CCT5: variants seen among roughly 807,000 people sequenced by gnomAD.
The protein encoded by CCT5 is chaperonin containing TCP1 subunit 5.
A neutral mutation model predicts 55.0 loss-of-function variants in CCT5; 6 were observed. The observed-to-expected ratio is 0.11, with a 90% CI of 0.06 to 0.22. The LOEUF (loss-of-function observed/expected upper bound fraction) is 0.22, where lower values mean the gene tolerates loss of function less well. Ranked by LOEUF, CCT5 falls within the 10% of genes least tolerant of loss-of-function variation. The pLI is 1.00. For synonymous variants in CCT5, 231 were observed against 243.7 expected, an observed-to-expected ratio of 0.95 and a Z score of 0.49; for missense variants, 560 against 694.6, an observed-to-expected ratio of 0.81 and a Z score of 2.18.
At chr5:10,251,188 T>G (rs1406999731) in intron 1 of CCT5, among the ~76,000 whole-genome samples, 1 of 152,172 alleles carries the variant, frequency 6.6e-6, no homozygotes, top group East Asian at 1.9e-4. Context: ...ACTGACTTCT[T>G]TAACTTACAA....
chr5:10,250,865 C>T, intron 1 of CCT5: 9 of 1,047,248 alleles, frequency 8.6e-6, no homozygotes, highest in Non-Finnish European at 1.0e-5. Flanking sequence ...CCCGCAACGG[C>T]CCTTCCGTTT....
In CCT5 at chr5:10,260,865, A is replaced by G. The variant is rs1030710744; in HGVS notation, c.947A>G (p.Gln316Arg). The change falls in exon 7 of 11, where the codon CAG (glutamine) becomes CGG (arginine). Residue 316 changes from glutamine (Q) to arginine (R), a missense_variant. Around this residue, in one of 4 missense-constraint regions of CCT5, gnomAD observed 256 missense variants for 372.4 expected, o/e 0.69. Coordinates refer to ENST00000280326, the MANE Select transcript of CCT5 (RefSeq NM_012073.5). ...FDDEANHLLL[Q>R]NNLPAVRWVG... is the part of the protein sequence containing the mutation. ...GATGAAGCAAATCACTTACTTCTTC[A>G]GAACAACTTGCCTGCGGTTCGCTGG... The G allele has an allele frequency of 6.2e-7, 1 of 1,614,206 alleles. No homozygotes were observed. The highest frequency in any genetic ancestry group is 8.5e-7 in the Non-Finnish European group (1 of 1,179,990).
intron 7 of CCT5, 126 bp downstream of exon 7, chr5:10,261,037 C>A: frequency 1.0e-6 from 1 of 972,378 alleles, no homozygotes; most frequent in Non-Finnish European, 1.7e-6. Context: ...GGAGGGTGAG[C>A]TGGGAGAGAG....
In CCT5 at chr5:10,265,239, A is replaced by C. The variant is rs1409451060; in HGVS notation, c.*456A>C. 7 of 186,196 alleles carry C rather than the reference A, an allele frequency of 3.8e-5. No homozygotes were observed. Among genetic ancestry groups the C allele is most frequent in the Admixed American group, 3.3e-4 (6 of 18,256 alleles). The allele number at this position is 186,196 out of a possible 1,614,324, so 11.5% of individuals were successfully genotyped here. A position where few individuals can be genotyped will look rare whatever the true frequency, so the allele number is the denominator to read the frequency against. On this transcript the variant is annotated 3_prime_UTR_variant, in exon 11 of 11. Transcript: ENST00000280326. Reference sequence around the variant, plus strand: ...GCCATTTGATTGTAGAGGGTCCACCACAGAATTATGGGATGCCTTAAGTGC... The same window carrying C: ...GCCATTTGATTGTAGAGGGTCCACCCCAGAATTATGGGATGCCTTAAGTGC...
chr5:10,259,507 T>C (rs1745850558), intron 6 of CCT5, among the ~76,000 whole-genome samples: 1 of 152,176 alleles, frequency 6.6e-6, no homozygotes, highest in Non-Finnish European at 1.5e-5. Context: ...GCTCGTGCTC[T>C]TGAGACACAG....
downstream of CCT5, chr5:10,266,393 CTT>C (rs1459293743): frequency 1.3e-5 from 2 of 152,172 alleles, no homozygotes; most frequent in Admixed American, 6.5e-5. Context: ...CACGTGATGT[CTT>C]TTATTTTTCA....
chr5:10,263,120 C>A lies in CCT5; in HGVS notation c.1318-14C>A, dbSNP rs1447774823. On this transcript the variant is annotated splice_polypyrimidine_tract_variant and intron_variant, in intron 9 of 10. Coordinates refer to ENST00000280326, the MANE Select transcript of CCT5 (RefSeq NM_012073.5). ...TTCGCCAAGTGCACTCACCATACTT[C>A]TGTACCTTTCCAGTGCCCCACCTTA... The A allele has an allele frequency of 6.2e-7, 1 of 1,613,600 alleles. No homozygotes were observed. The highest frequency in any genetic ancestry group is 1.7e-5 in the Admixed American group (1 of 60,016).
At chr5:10,254,911 A>G in intron 3 of CCT5, 73 bp downstream of exon 3, 1 of 1,209,540 alleles carries the variant, frequency 8.3e-7, no homozygotes, top group Non-Finnish European at 1.2e-6. Context: ...ATGCCTGCTG[A>G]GATTGTTGTC....
rs1237370862 is a variant in CCT5, at chr5:10,266,250, C to T, written c.*1467C>T. ...GTATCAGAAGAGCCACTAAACCAAT[C>T]CCCCTTTCCAAAATTGAACCTCACA... On this transcript the variant is annotated 3_prime_UTR_variant, in exon 11 of 11. Transcript: ENST00000280326. The T allele has an allele frequency of 6.6e-6, 1 of 151,722 alleles. No homozygotes were observed. The highest frequency in any genetic ancestry group is 1.5e-5 in the Non-Finnish European group (1 of 68,046). The allele number at this position is 151,722 out of a possible 1,614,324, so 9.4% of individuals were successfully genotyped here.
intron 4 of CCT5, chr5:10,257,841 C>A: frequency 2.0e-6 from 1 of 494,600 alleles, no homozygotes; most frequent in Non-Finnish European, 3.7e-6. Context: ...TGAGTACATT[C>A]ATAATGGAAG....
upstream of CCT5, chr5:10,250,223 C>T: frequency 1.3e-6 from 2 of 1,562,964 alleles, no homozygotes; most frequent in Non-Finnish European, 1.7e-6. Flanking sequence ...AACATAAGTC[C>T]CGCGCGTCTT....
At chr5:10,260,560 G>T (rs1561050109) in intron 6 of CCT5, among the ~76,000 whole-genome samples, 2 of 152,188 alleles carry the variant, frequency 1.3e-5, no homozygotes, top group African/African-American at 4.8e-5. Flanking sequence ...ACTGCTTGTG[G>T]TTTTTAAAGC....
intron 7 of CCT5, 42 bp downstream of exon 7, chr5:10,260,953 CATCTTATGTGTTGA>C: frequency 6.2e-7 from 1 of 1,609,042 alleles, no homozygotes; most frequent in Non-Finnish European, 8.5e-7. Flanking sequence ...AGTAGGGGTT[CATCTTATGTGTTGA>C]GGGGTGTTTT....
At chr5:10,250,543 TCCC>T in intron 1 of CCT5, 98 bp downstream of exon 1, 6 of 1,548,964 alleles carry the variant, frequency 3.9e-6, no homozygotes, top group Non-Finnish European at 5.2e-6. Flanking sequence ...TGCCATGTGC[TCCC>T]CGGAAAGGTC....
intron 2 of CCT5, 104 bp downstream of exon 2, chr5:10,254,309 ACTTC>A: frequency 1.2e-6 from 1 of 858,598 alleles, no homozygotes; most frequent in Non-Finnish European, 1.9e-6. Context: ...GAGGCATCTT[ACTTC>A]CTTAACACAG....
At chr5:10,258,042 G>A (rs963443824) in intron 4 of CCT5, 69 bp from the exon 5 acceptor site, 13 of 1,459,186 alleles carry the variant, frequency 8.9e-6, no homozygotes, top group Non-Finnish European at 1.2e-5. Flanking sequence ...GTAACATTGT[G>A]TTATGTGGCC....
rs1386478698 is a variant in CCT5, at chr5:10,254,827, C to CA, written c.321dup (p.Gly108ArgfsTer31). ...GATGATGAAATTGGAGATGGAACCA[C>CA]AGGAGTGGTTGGTAAGAAAAGACAA... On this transcript the variant is annotated frameshift_variant, in exon 3 of 11. Coordinates refer to ENST00000280326, the MANE Select transcript of CCT5 (RefSeq NM_012073.5). LOFTEE classifies it high-confidence loss of function. The CA allele has an allele frequency of 6.2e-7, 1 of 1,613,828 alleles. No homozygotes were observed. The highest frequency in any genetic ancestry group is 8.5e-7 in the Non-Finnish European group (1 of 1,179,856).
intron 6 of CCT5, among the ~76,000 whole-genome samples, chr5:10,260,546 A>C (rs991178205): frequency 2.0e-5 from 3 of 149,142 alleles, no homozygotes; most frequent in African/African-American, 4.9e-5. Context: ...GGTTCAGCAG[A>C]ATTACTGCTT....
At chr5:10,252,036 G>C (rs1745448969) in intron 1 of CCT5, among the ~76,000 whole-genome samples, 1 of 152,332 alleles carries the variant, frequency 6.6e-6, no homozygotes, top group East Asian at 1.9e-4. Flanking sequence ...ACCATGGTCA[G>C]GGCCACCGCT....
Sources: allele counts gnomAD v4.1 joint callset (sites outside exome capture counted in the v4.1 genomes callset), GRCh38; gene constraint gnomAD v4.1.1; regional missense constraint gnomAD v4.1.1; transcripts MANE v1.5; gene names NCBI Gene and HGNC (gene_info 2026-07-23, HGNC 2026-07-21).